SRPK2: variants seen among roughly 807,000 people sequenced by gnomAD.
SRPK2 encodes SRSF protein kinase 2.
A neutral mutation model predicts 90.8 loss-of-function variants in SRPK2; 21 were observed. That is an observed-to-expected ratio of 0.23 (90% confidence interval 0.16 to 0.33). The LOEUF is 0.33. Among genes scored for constraint, SRPK2 ranks in the 10% least tolerant of loss-of-function variants. The pLI, the probability that SRPK2 is intolerant of heterozygous loss-of-function variation, is 1.00. For synonymous variants in SRPK2, 288 were observed against 311.1 expected (o/e 0.93, Z 0.78); for missense variants, 620 against 869.0 (o/e 0.71, Z 3.60).
At chr7:105,160,664 G>C (rs755989449) in intron 6 of SRPK2, 51 bp from the exon 7 acceptor site, 1 of 1,061,030 alleles carries the variant, frequency 9.4e-7, no homozygotes, top group Non-Finnish European at 1.5e-6. Context: ...GAGTGAGGCA[G>C]TTATTGAAAG....
At chr7:105,313,302 C>T (rs1428300680) in intron 2 of SRPK2, among the ~76,000 whole-genome samples, 1 of 151,612 alleles carries the variant, frequency 6.6e-6, no homozygotes, top group Non-Finnish European at 1.5e-5. Flanking sequence ...AAAAAATTAG[C>T]AGGGTGTGGT....
At chr7:105,180,266 A>G (rs770675037) in intron 3 of SRPK2, among the ~76,000 whole-genome samples, 3 of 152,326 alleles carry the variant, frequency 2.0e-5, no homozygotes, top group South Asian at 4.1e-4. Flanking sequence ...CCCAAAAATA[A>G]TGCCACACAC....
chr7:105,215,115 C>A (rs887009100), intron 2 of SRPK2, among the ~76,000 whole-genome samples: 2 of 152,116 alleles, frequency 1.3e-5, no homozygotes, highest in Non-Finnish European at 2.9e-5. Flanking sequence ...CAAATGGGGA[C>A]GGAACAACCG....
chr7:105,374,877 A>C (rs970047234), intron 2 of SRPK2, among the ~76,000 whole-genome samples: 10 of 152,156 alleles, frequency 6.6e-5, no homozygotes, highest in African/African-American at 2.4e-4. Flanking sequence ...AAACTGCTGG[A>C]ATTACAGGCT....
intron 2 of SRPK2, among the ~76,000 whole-genome samples, chr7:105,330,784 A>G (rs912363688): frequency 3.3e-5 from 5 of 152,176 alleles, no homozygotes; most frequent in African/African-American, 1.2e-4. Context: ...GTTTGAAACC[A>G]GCCTAGGCAA....
At chr7:105,124,175 G>C (rs571634133) in intron 15 of SRPK2, among the ~76,000 whole-genome samples, 2 of 152,174 alleles carry the variant, frequency 1.3e-5, no homozygotes, top group African/African-American at 4.8e-5. Context: ...CCCAAGAGCA[G>C]ATGCCTGCAA....
At chr7:105,286,537 T>C (rs773874380) in intron 2 of SRPK2, among the ~76,000 whole-genome samples, 14 of 152,218 alleles carry the variant, frequency 9.2e-5, no homozygotes, top group Non-Finnish European at 1.9e-4. Context: ...ATGCATCCTC[T>C]GTATTTAATT....
chr7:105,398,337 A>G (rs894345770), intron 1 of SRPK2, among the ~76,000 whole-genome samples: 2 of 151,016 alleles, frequency 1.3e-5, no homozygotes, highest in African/African-American at 4.9e-5. Context: ...ACGGGAAGTC[A>G]TATCACCCGT....
downstream of SRPK2, among the ~76,000 whole-genome samples, chr7:105,115,839 G>T (rs1799586267): frequency 6.6e-6 from 1 of 152,134 alleles, no homozygotes. Context: ...ACTTAGGGAA[G>T]ATATAAATTA....
At chr7:105,321,281 T>C (rs1422332902) in intron 2 of SRPK2, among the ~76,000 whole-genome samples, 1 of 152,006 alleles carries the variant, frequency 6.6e-6, no homozygotes, top group African/African-American at 2.4e-5. Flanking sequence ...TGCAGAAAAA[T>C]GAGGCTGGAC....
At chr7:105,309,691 T>A (rs999253602) in intron 2 of SRPK2, among the ~76,000 whole-genome samples, 1 of 152,166 alleles carries the variant, frequency 6.6e-6, no homozygotes, top group African/African-American at 2.4e-5. Flanking sequence ...ATGGAAACCA[T>A]AGAGACTTTC....
intron 2 of SRPK2, among the ~76,000 whole-genome samples, chr7:105,324,003 GTGTGTGTGTGT>G (rs1234155774): frequency 7.4e-6 from 1 of 134,376 alleles, no homozygotes; most frequent in South Asian, 2.3e-4. Flanking sequence ...GTGTGTGTGT[GTGTGTGTGTGT>G]GTGGTGGAGT....
chr7:105,363,151 C>A (rs552996762), intron 2 of SRPK2, among the ~76,000 whole-genome samples: 1 of 151,410 alleles, frequency 6.6e-6, no homozygotes, highest in Non-Finnish European at 1.5e-5. Flanking sequence ...TAAAGCTGCA[C>A]GTTGTGCACA....
intron 7 of SRPK2, among the ~76,000 whole-genome samples, chr7:105,151,261 C>T (rs530988369): frequency 1.3e-5 from 2 of 152,300 alleles, no homozygotes; most frequent in East Asian, 3.9e-4. Context: ...AAAAACATGA[C>T]CTTGGATTCA....
At chr7:105,176,694 T>C (rs1585061207) in intron 3 of SRPK2, among the ~76,000 whole-genome samples, 3 of 69,248 alleles carry the variant, frequency 4.3e-5, no homozygotes, top group African/African-American at 1.7e-4. Context: ...TGTGTGTACA[T>C]ATATATGTAT....
At chr7:105,317,392 T>G (rs1554507824) in intron 2 of SRPK2, among the ~76,000 whole-genome samples, 1 of 152,248 alleles carries the variant, frequency 6.6e-6, no homozygotes, top group Non-Finnish European at 1.5e-5. Flanking sequence ...TTCTATGTGC[T>G]AAAATGGGAA....
intron 2 of SRPK2, among the ~76,000 whole-genome samples, chr7:105,286,856 G>A (rs1316134842): frequency 7.9e-5 from 12 of 152,176 alleles, no homozygotes; most frequent in Non-Finnish European, 1.5e-4. Context: ...TTTACACGTG[G>A]CCTAGGAGAA....
rs1215296492 is a variant in SRPK2 at position 105,146,510 on chromosome 7, G to C, written c.770C>G (p.Pro257Arg). Residue 257 changes from proline (P) to arginine (R), a missense_variant, in exon 8 of 16, where the codon CCT becomes CGT. Around this residue, in one of 8 missense-constraint regions of SRPK2, gnomAD observed 196 missense variants for 339.2 expected, o/e 0.58. Coordinates refer to ENST00000393651, the MANE Select transcript of SRPK2 (RefSeq NM_182692.3). ...ATEWQKAGAPPPSGSAVSTAP... is the reference protein window; with the variant it reads ...ATEWQKAGAPRPSGSAVSTAP... ...TCCCTCACCTGCAGACCCTGAAGGA[G>C]GAGGAGCACCTGCTTTCTGCCACTC... 6.2e-7 allele frequency: 1 copy of C among 1,614,046 alleles called. No homozygotes were observed.
intron 2 of SRPK2, among the ~76,000 whole-genome samples, chr7:105,364,464 G>A (rs1045275602): frequency 1.3e-5 from 2 of 149,954 alleles, no homozygotes; most frequent in Non-Finnish European, 3.0e-5. Flanking sequence ...GCGGTGCCAT[G>A]ATCTTGGCTC....
Sources: gnomAD v4.1 joint callset for allele counts (sites outside exome capture counted in the v4.1 genomes callset) on GRCh38, gnomAD v4.1.1 for gene constraint, gnomAD v4.1.1 regional missense constraint, MANE v1.5 for transcripts, NCBI Gene and HGNC (gene_info 2026-07-23, HGNC 2026-07-21) for gene names.